Variants in LRRC4C observed in about 807,000 individuals in gnomAD.
The protein encoded by LRRC4C is leucine rich repeat containing 4C.
Under a neutral mutation model 33.6 loss-of-function variants are expected in LRRC4C, and 5 were observed. The observed-to-expected ratio is 0.15, with a 90% confidence interval of 0.08 to 0.31. LRRC4C has a LOEUF of 0.31. Among genes scored for constraint, LRRC4C ranks in the 10% least tolerant of loss-of-function variants. The pLI is 1.00. For synonymous variants in LRRC4C, 329 were observed against 302.0 expected, an observed-to-expected ratio of 1.09 and a Z score of -0.93; for missense variants, 560 against 796.7, an observed-to-expected ratio of 0.70 and a Z score of 3.58.
At chr11:41,249,023 T>A (rs1226132616) in intron 1 of LRRC4C, among the ~76,000 whole-genome samples, 1 of 151,686 alleles carries the variant, frequency 6.6e-6, no homozygotes, top group South Asian at 2.1e-4. Context: ...ATCTCCCTGG[T>A]TTAAGATACT....
intron 2 of LRRC4C, among the ~76,000 whole-genome samples, chr11:40,705,936 G>T (rs926230806): frequency 6.6e-5 from 10 of 152,078 alleles, no homozygotes; most frequent in Admixed American, 5.9e-4. Flanking sequence ...TGGTTTTGAT[G>T]TGCATTTCTC....
At chr11:40,529,830 T>A (rs1409518335) in intron 3 of LRRC4C, among the ~76,000 whole-genome samples, 4 of 152,128 alleles carry the variant, frequency 2.6e-5, no homozygotes, top group Non-Finnish European at 5.9e-5. Context: ...AGAAAAAGAT[T>A]CTAGCTTGAC....
intron 4 of LRRC4C, among the ~76,000 whole-genome samples, chr11:40,302,131 A>G (rs1020390735): frequency 6.6e-6 from 1 of 152,228 alleles, no homozygotes; most frequent in Non-Finnish European, 1.5e-5. Flanking sequence ...TGTGGCTAAT[A>G]AAGACTGTGA....
intron 3 of LRRC4C, among the ~76,000 whole-genome samples, chr11:40,553,603 T>C (rs1192947635): frequency 2.6e-5 from 4 of 152,190 alleles, no homozygotes; most frequent in African/African-American, 9.7e-5. Flanking sequence ...TTTGGACTTT[T>C]TAATGATAGC....
intron 4 of LRRC4C, chr11:40,292,415 G>A (rs1323099090): frequency 6.6e-6 from 1 of 151,988 alleles, no homozygotes; most frequent in African/African-American, 2.4e-5. Context: ...AATCTGCCGC[G>A]GTCAACTTTT....
chr11:41,359,562 C>A (rs369583662), intron 1 of LRRC4C, among the ~76,000 whole-genome samples: 2 of 151,846 alleles, frequency 1.3e-5, no homozygotes, highest in Non-Finnish European at 2.9e-5. Context: ...GACACAGAGT[C>A]GAATTTTATA....
chr11:40,505,415 G>A (rs776408835), intron 3 of LRRC4C, among the ~76,000 whole-genome samples: 2 of 152,200 alleles, frequency 1.3e-5, no homozygotes, highest in Middle Eastern at 3.4e-3. Context: ...TTTCTGCTCA[G>A]GTCTTACTTT....
At chr11:40,475,899 G>A (rs1953192179) in intron 3 of LRRC4C, among the ~76,000 whole-genome samples, 1 of 152,046 alleles carries the variant, frequency 6.6e-6, no homozygotes, top group African/African-American at 2.4e-5. Context: ...ACTTACCAGT[G>A]TGCCTACACC....
chr11:40,733,061 G>GCTT (rs1947676300), intron 2 of LRRC4C, among the ~76,000 whole-genome samples: 1 of 57,602 alleles, frequency 1.7e-5, no homozygotes, highest in Non-Finnish European at 3.0e-5. Context: ...TATGAATATA[G>GCTT]TTTTTTTTTT....
intron 1 of LRRC4C, among the ~76,000 whole-genome samples, chr11:41,115,375 C>T (rs1942060379): frequency 6.7e-6 from 1 of 150,012 alleles, no homozygotes; most frequent in African/African-American, 2.5e-5. Context: ...ATCCCCCCAT[C>T]TTTTTTTTTC....
intron 1 of LRRC4C, among the ~76,000 whole-genome samples, chr11:41,048,454 G>A (rs355216): frequency 0.28 from 43,036 of 151,530 alleles, 6,420 homozygotes; most frequent in Admixed American, 0.39. Context: ...TAGTAGAGAC[G>A]GGGTTTCACC....
At chr11:40,495,562 G>A (rs1187589483) in intron 3 of LRRC4C, among the ~76,000 whole-genome samples, 2 of 152,026 alleles carry the variant, frequency 1.3e-5, no homozygotes, top group Non-Finnish European at 2.9e-5. Flanking sequence ...AGATGTGTGT[G>A]GAAGGAAGAA....
At chr11:40,751,874 C>T (rs181349960) in intron 2 of LRRC4C, among the ~76,000 whole-genome samples, 2 of 152,006 alleles carry the variant, frequency 1.3e-5, no homozygotes, top group African/African-American at 4.8e-5. Context: ...GCTACAGTAA[C>T]CAAAAAACAG....
intron 3 of LRRC4C, among the ~76,000 whole-genome samples, chr11:40,435,445 A>T (rs1951106276): frequency 6.6e-6 from 1 of 152,320 alleles, no homozygotes; most frequent in African/African-American, 2.4e-5. Flanking sequence ...GGGAGGAGTG[A>T]TGGGAGGATT....
chr11:41,122,767 G>A (rs1942507228), intron 1 of LRRC4C: 1 of 151,930 alleles, frequency 6.6e-6, no homozygotes, highest in Non-Finnish European at 1.5e-5. Flanking sequence ...ACTATAGCAG[G>A]TAGAGTATCC....
intron 1 of LRRC4C, among the ~76,000 whole-genome samples, chr11:40,963,352 C>T (rs1175748138): frequency 2.0e-5 from 3 of 151,720 alleles, no homozygotes; most frequent in Non-Finnish European, 4.4e-5. Context: ...TTTGGCTACA[C>T]ATATGAACTT....
In LRRC4C at chr11:40,250,262, C is replaced by G. The variant is rs2136172106; in HGVS notation, c.-175-8664G>C. ...AAAGAACACCTTGACTAATCTGACC[C>G]TTGTAACTATGCATTAAGCTTTACA... On this transcript the variant is annotated intron_variant, in intron 4 of 6. Transcript: ENST00000528697. Among the ~76,000 whole-genome samples, 3 of 151,376 alleles carry G rather than the reference C, an allele frequency of 2.0e-5. No homozygotes were observed. In the Middle Eastern group the frequency reaches 0.01, roughly 515 times the overall value.
At chr11:41,014,882 C>T (rs1232869524) in intron 1 of LRRC4C, among the ~76,000 whole-genome samples, 5 of 151,732 alleles carry the variant, frequency 3.3e-5, no homozygotes, top group Non-Finnish European at 7.4e-5. Flanking sequence ...GTTGAGGAAA[C>T]TCGGATGTAG....
chr11:40,544,681 C>T (rs554276313), intron 3 of LRRC4C, among the ~76,000 whole-genome samples: 9 of 152,072 alleles, frequency 5.9e-5, no homozygotes, highest in African/African-American at 2.2e-4. Context: ...GAAGAAAATC[C>T]ATTATTTAGT....
Sources: gnomAD v4.1 joint callset for allele counts (sites outside exome capture counted in the v4.1 genomes callset) on GRCh38, gnomAD v4.1.1 for gene constraint, MANE v1.5 for transcripts, NCBI Gene and HGNC (gene_info 2026-07-23, HGNC 2026-07-21) for gene names.